The following LRMDA variants were observed in gnomAD, a reference collection of about 807,000 sequenced individuals.
LRMDA encodes leucine rich melanocyte differentiation associated, also known as leucine-rich melanocyte differentiation-associated protein.
LRMDA carries 18 observed loss-of-function variants against 29.8 expected under a neutral mutation model. The ratio of observed to expected loss-of-function variants is 0.60; its 90% confidence interval spans 0.42 to 0.90. LRMDA has a LOEUF of 0.90. Among genes scored for constraint, LRMDA ranks in the 40% least tolerant of loss-of-function variants. The pLI is 0.00. For synonymous variants in LRMDA, 125 were observed against 109.4 expected (o/e 1.14, Z -0.89); for missense variants, 273 against 273.9 (o/e 1.00, Z 0.02).
chr10:75,859,939 A>C (rs765584337), intron 2 of LRMDA, among the ~76,000 whole-genome samples: 1 of 152,130 alleles, frequency 6.6e-6, no homozygotes, highest in African/African-American at 2.4e-5. Context: ...GTTGATGTTA[A>C]AATTAATATA....
intron 6 of LRMDA, among the ~76,000 whole-genome samples, chr10:76,544,639 A>G (rs1490531706): frequency 6.6e-6 from 1 of 152,024 alleles, no homozygotes; most frequent in African/African-American, 2.4e-5. Flanking sequence ...GCTTTCTACT[A>G]TTAATTCTTC....
At chr10:76,394,338 A>G (rs1841758156) in intron 6 of LRMDA, among the ~76,000 whole-genome samples, 1 of 152,142 alleles carries the variant, frequency 6.6e-6, no homozygotes, top group Non-Finnish European at 1.5e-5. Flanking sequence ...AAGAGTCCAA[A>G]TGTTCTGTAT....
intron 2 of LRMDA, among the ~76,000 whole-genome samples, chr10:75,995,702 A>AT (rs1201182799): frequency 5.3e-5 from 8 of 152,160 alleles, no homozygotes; most frequent in African/African-American, 1.9e-4. Context: ...ATTAGACATT[A>AT]TTGTGAAGTT....
chr10:76,247,097 C>T (rs893453603), intron 5 of LRMDA, among the ~76,000 whole-genome samples: 1 of 152,198 alleles, frequency 6.6e-6, no homozygotes, highest in African/African-American at 2.4e-5. Flanking sequence ...TCCCTCACTC[C>T]TTCACTCTTG....
intron 2 of LRMDA, among the ~76,000 whole-genome samples, chr10:75,990,812 G>A (rs893555586): frequency 5.3e-5 from 8 of 152,204 alleles, no homozygotes; most frequent in Admixed American, 5.2e-4. Flanking sequence ...ATGAGGGATG[G>A]GAAAGATCAG....
intron 2 of LRMDA, among the ~76,000 whole-genome samples, chr10:75,608,129 T>TATATATACACAC (rs11271217): frequency 6.7e-5 from 6 of 89,592 alleles, no homozygotes; most frequent in South Asian, 4.1e-4. Context: ...TATATATATA[T>TATATATACACAC]ACACACACAT....
At chr10:76,339,173 T>A (rs545044747) in intron 6 of LRMDA, among the ~76,000 whole-genome samples, 1 of 149,444 alleles carries the variant, frequency 6.7e-6, no homozygotes, top group South Asian at 2.1e-4. Context: ...AACTGGCTCA[T>A]AAAGAAAAGT....
intron 5 of LRMDA, among the ~76,000 whole-genome samples, chr10:76,070,095 A>G (rs1848851516): frequency 6.6e-6 from 1 of 152,196 alleles, no homozygotes. Flanking sequence ...GGGGGATTAA[A>G]TGAGATAATC....
chr10:75,596,554 T>TA (rs1840790680), intron 2 of LRMDA, among the ~76,000 whole-genome samples: 1 of 152,036 alleles, frequency 6.6e-6, no homozygotes, highest in Admixed American at 6.5e-5. Flanking sequence ...TTTTTTTTTT[T>TA]TAAAATGACA....
chr10:75,795,453 G>A (rs1843637046), intron 2 of LRMDA, among the ~76,000 whole-genome samples: 2 of 152,042 alleles, frequency 1.3e-5, no homozygotes. Flanking sequence ...GAGTCTGTGT[G>A]TATATCTAGT....
chr10:75,634,311 AATCTGACCATT>A (rs1841363445), intron 2 of LRMDA, among the ~76,000 whole-genome samples: 1 of 152,176 alleles, frequency 6.6e-6, no homozygotes, highest in African/African-American at 2.4e-5. Flanking sequence ...TTTTGTGATG[AATCTGACCATT>A]AAGCATTCTA....
At chr10:75,483,577 C>A (rs889270050) in intron 2 of LRMDA, among the ~76,000 whole-genome samples, 4 of 152,194 alleles carry the variant, frequency 2.6e-5, no homozygotes, top group African/African-American at 9.6e-5. Context: ...TTAATACCTA[C>A]TTCATAGCAT....
intron 1 of LRMDA, among the ~76,000 whole-genome samples, chr10:75,438,032 G>T (rs1564771257): frequency 6.6e-6 from 1 of 152,202 alleles, no homozygotes; most frequent in East Asian, 1.9e-4. Context: ...AGAAGAAGGG[G>T]CAGAGGAGCA....
intron 2 of LRMDA, among the ~76,000 whole-genome samples, chr10:75,534,194 A>C (rs1370307344): frequency 6.6e-6 from 1 of 152,110 alleles, no homozygotes; most frequent in African/African-American, 2.4e-5. Flanking sequence ...CCTGATGCGC[A>C]ATTGTGAGGT....
At chr10:75,840,573 G>T (rs1844521719) in intron 2 of LRMDA, among the ~76,000 whole-genome samples, 1 of 152,190 alleles carries the variant, frequency 6.6e-6, no homozygotes, top group African/African-American at 2.4e-5. Flanking sequence ...GTCTGTGTGT[G>T]TGTGCACACG....
intron 2 of LRMDA, among the ~76,000 whole-genome samples, chr10:75,486,561 G>A (rs1028612933): frequency 6.6e-6 from 1 of 152,142 alleles, no homozygotes; most frequent in Non-Finnish European, 1.5e-5. Flanking sequence ...GTGGGATGAG[G>A]AAGGAAAGCT....
At chr10:75,566,369 G>A (rs1386394620) in intron 2 of LRMDA, among the ~76,000 whole-genome samples, 1 of 152,062 alleles carries the variant, frequency 6.6e-6, no homozygotes, top group Non-Finnish European at 1.5e-5. Flanking sequence ...CAGCAGCATG[G>A]GTATCTCATG....
intron 2 of LRMDA, among the ~76,000 whole-genome samples, chr10:75,486,121 A>T (rs1214740271): frequency 1.3e-5 from 2 of 151,996 alleles, no homozygotes; most frequent in African/African-American, 4.8e-5. Context: ...TTTGATTTTA[A>T]TTTTCTCTTT....
At chr10:75,564,636 G>T (rs544986663) in intron 2 of LRMDA, among the ~76,000 whole-genome samples, 2 of 152,244 alleles carry the variant, frequency 1.3e-5, no homozygotes, top group African/African-American at 4.8e-5. Flanking sequence ...CGCTCACGCT[G>T]GGAGCTGTAG....
Sources: allele counts gnomAD v4.1 joint callset (sites outside exome capture counted in the v4.1 genomes callset), GRCh38; gene constraint gnomAD v4.1.1; transcripts MANE v1.5; gene names NCBI Gene and HGNC (gene_info 2026-07-23, HGNC 2026-07-21).